Variants in NFYC observed in about 807,000 individuals in gnomAD.
NFYC encodes the protein CAAT box DNA-binding protein subunit C.
In NFYC, 25 loss-of-function variants were observed where a neutral mutation model predicts 53.1. That is an observed-to-expected ratio of 0.47 (90% confidence interval 0.34 to 0.66). The LOEUF (loss-of-function observed/expected upper bound fraction) is 0.66. Ranked by LOEUF, NFYC falls within the 30% of genes least tolerant of loss-of-function variation. The pLI, the probability that NFYC is intolerant of heterozygous loss-of-function variation, is 0.01. For missense variants in NFYC, 260 were observed against 422.7 expected (o/e 0.62, Z 3.38); for synonymous variants, 145 against 152.6 (o/e 0.95, Z 0.37).
At chr1:40,769,096 G>C in intron 8 of NFYC, 1 of 419,614 alleles carries the variant, frequency 2.4e-6, no homozygotes, top group Non-Finnish European at 4.4e-6. Flanking sequence ...TGAGGGAGTA[G>C]GCATTCATTA....
chr1:40,759,885 A>G (rs890642322), intron 6 of NFYC, among the ~76,000 whole-genome samples: 2 of 152,168 alleles, frequency 1.3e-5, no homozygotes, highest in Admixed American at 6.5e-5. Context: ...CACATCCTGG[A>G]CAGCCTCGTA....
intron 8 of NFYC, 56 bp downstream of exon 8, chr1:40,766,759 G>T: frequency 6.4e-7 from 1 of 1,559,260 alleles, no homozygotes; most frequent in Non-Finnish European, 8.8e-7. Context: ...GATGGCTTCT[G>T]ACAGGAAAGG....
At chr1:40,692,054 G>C (rs1570244506) in intron 1 of NFYC, 187 bp downstream of exon 1, 2 of 209,974 alleles carry the variant, frequency 9.5e-6, no homozygotes, top group African/African-American at 2.4e-5. Context: ...CGCCGCGCTC[G>C]TGGGGTCCGT....
intron 2 of NFYC, among the ~76,000 whole-genome samples, chr1:40,744,798 G>C (rs1025487378): frequency 1.3e-5 from 2 of 152,202 alleles, no homozygotes; most frequent in African/African-American, 4.8e-5. Flanking sequence ...TTACATGGTA[G>C]CTAGTGAAGT....
chr1:40,769,243 G>A (rs1646969313), intron 8 of NFYC, 113 bp from the exon 9 acceptor site: 1 of 1,041,542 alleles, frequency 9.6e-7, no homozygotes, highest in Non-Finnish European at 1.5e-6. Context: ...AGCACCTGCT[G>A]GGCACTTTAT....
chr1:40,763,016 C>G lies in NFYC; in HGVS notation c.690C>G (p.Ile230Met), dbSNP rs1646628414. 2 of 1,609,746 alleles carry G rather than the reference C, an allele frequency of 1.2e-6. No individual in the cohort carries two copies. Among genetic ancestry groups the G allele is most frequent in the Admixed American group, 1.7e-5 (1 of 59,520 alleles). Reference sequence around the variant, plus strand: ...CCATGCAGGTGATGCAGCAGATCATCACTAACACAGGAGAGATCCAGCAGA... The same window carrying G: ...CCATGCAGGTGATGCAGCAGATCATGACTAACACAGGAGAGATCCAGCAGA... ...GQTMQVMQQI[I>M]TNTGEIQQIP... The change falls in exon 7 of 10, where the codon ATC (isoleucine) becomes ATG (methionine). Residue 230 changes from isoleucine to methionine, a missense_variant. Ile to Met is a conservative substitution (Grantham distance 10). Coordinates refer to ENST00000447388, the MANE Select transcript of NFYC (RefSeq NM_014223.5).
chr1:40,699,793 A>G (rs562967144), intron 1 of NFYC, among the ~76,000 whole-genome samples: 1 of 152,312 alleles, frequency 6.6e-6, no homozygotes, highest in South Asian at 2.1e-4. Flanking sequence ...CTTCCACTGA[A>G]CATTAGTTCT....
At chr1:40,694,532 A>G (rs7519348) in intron 1 of NFYC, among the ~76,000 whole-genome samples, 99,403 of 152,182 alleles carry the variant, frequency 0.65, 32,724 homozygotes, top group African/African-American at 0.72. Context: ...TGGTCATTTC[A>G]GCCTCATTTG....
chr1:40,747,708 A>G (rs1301574857), intron 3 of NFYC, 103 bp downstream of exon 3: 2 of 752,464 alleles, frequency 2.7e-6, no homozygotes, highest in Non-Finnish European at 2.2e-6. Context: ...AAGAACACAC[A>G]AAAATTACTG....
chr1:40,750,632 C>T (rs552509318), intron 4 of NFYC, among the ~76,000 whole-genome samples: 9 of 152,304 alleles, frequency 5.9e-5, no homozygotes, highest in Non-Finnish European at 1.2e-4. Context: ...AAATGATATG[C>T]ATGTTGAAGT....
intron 1 of NFYC, among the ~76,000 whole-genome samples, chr1:40,698,798 T>C (rs1643284446): frequency 6.6e-6 from 1 of 152,204 alleles, no homozygotes; most frequent in Non-Finnish European, 1.5e-5. Context: ...ATAATTGTCC[T>C]ATTCTTAAAT....
In NFYC at chr1:40,763,199, T is replaced by G. The variant is rs191230458; in HGVS notation, c.720+153T>G. Reference sequence around the variant, plus strand: ...ACCTTGATATATATATCTATAGCTATATATATACCTTGATATATATATGTA... The same window carrying G: ...ACCTTGATATATATATCTATAGCTAGATATATACCTTGATATATATATGTA... On this transcript the variant is annotated intron_variant, in intron 7 of 9. Coordinates refer to ENST00000447388, the MANE Select transcript of NFYC (RefSeq NM_014223.5). Among the ~76,000 whole-genome samples the G allele has an allele frequency of 6.8e-5, 10 of 147,588 alleles. 1 individual carries two copies. The East Asian group carries it at 1.4e-3, about 21-fold the overall frequency.
At chr1:40,701,063 T>A (rs2148417393) in intron 1 of NFYC, among the ~76,000 whole-genome samples, 1 of 152,352 alleles carries the variant, frequency 6.6e-6, no homozygotes, top group South Asian at 2.1e-4. Context: ...GTCCTTAGAA[T>A]AAAGTTTTAG....
chr1:40,725,896 T>A (rs897869035), intron 1 of NFYC, among the ~76,000 whole-genome samples: 1 of 152,268 alleles, frequency 6.6e-6, no homozygotes, highest in African/African-American at 2.4e-5. Flanking sequence ...TAGTGTAGCC[T>A]ATTAAGTGTG....
intron 1 of NFYC, among the ~76,000 whole-genome samples, chr1:40,714,367 T>C (rs748406919): frequency 6.6e-6 from 1 of 152,254 alleles, no homozygotes; most frequent in Non-Finnish European, 1.5e-5. Flanking sequence ...GTGTATGTGC[T>C]TGTGTATGTT....
intron 1 of NFYC, among the ~76,000 whole-genome samples, chr1:40,727,208 TTTGTTTGG>T (rs1644555559): frequency 6.8e-6 from 1 of 147,318 alleles, no homozygotes; most frequent in Admixed American, 6.8e-5. Context: ...TTTTTGTTTG[TTTGTTTGG>T]TTGGTTGGTT....
chr1:40,711,801 G>T (rs929196969), intron 1 of NFYC, among the ~76,000 whole-genome samples: 4 of 152,188 alleles, frequency 2.6e-5, no homozygotes, highest in Non-Finnish European at 4.4e-5. Context: ...GTGTGTAAGT[G>T]GGGGAGGCTT....
intron 2 of NFYC, among the ~76,000 whole-genome samples, chr1:40,747,166 A>G (rs1028378887): frequency 2.6e-5 from 4 of 151,428 alleles, no homozygotes; most frequent in Non-Finnish European, 5.9e-5. Flanking sequence ...TCTCATTTTA[A>G]TCTGCATATT....
intron 6 of NFYC, among the ~76,000 whole-genome samples, chr1:40,759,565 GTGTGTGTGTGTA>G (rs2148747087): frequency 6.6e-6 from 1 of 150,848 alleles, no homozygotes; most frequent in Non-Finnish European, 1.5e-5. Context: ...GTATATGTGT[GTGTGTGTGTGTA>G]TGTGTGTGTG....
Sources: gnomAD v4.1 joint callset for allele counts (sites outside exome capture counted in the v4.1 genomes callset) on GRCh38, gnomAD v4.1.1 for gene constraint, MANE v1.5 for transcripts, NCBI Gene and HGNC (gene_info 2026-07-23, HGNC 2026-07-21) for gene names.